ALPK2: variants seen among roughly 807,000 people sequenced by gnomAD.
ALPK2 encodes the protein alpha kinase 2.
In ALPK2, 127 loss-of-function variants were observed where a neutral mutation model predicts 163.1. The ratio of observed to expected loss-of-function variants is 0.78; its 90% CI spans 0.67 to 0.90. The LOEUF (loss-of-function observed/expected upper bound fraction) is 0.90. Among genes scored for constraint, ALPK2 ranks in the 40% least tolerant of loss-of-function variants. The pLI is 0.00. For synonymous variants in ALPK2, 953 were observed against 959.1 expected, an observed-to-expected ratio of 0.99 and a Z score of 0.12; for missense variants, 2,360 against 2,589.6, an observed-to-expected ratio of 0.91 and a Z score of 1.92.
intron 3 of ALPK2, among the ~76,000 whole-genome samples, chr18:58,582,203 G>T (rs1003217402): frequency 1.3e-5 from 2 of 152,088 alleles, no homozygotes; most frequent in Admixed American, 1.3e-4. Flanking sequence ...CAATACCTGC[G>T]CTCCTGTCTA....
intron 4 of ALPK2, among the ~76,000 whole-genome samples, chr18:58,542,600 C>A (rs1872197777): frequency 6.6e-6 from 1 of 152,188 alleles, no homozygotes; most frequent in Non-Finnish European, 1.5e-5. Context: ...TATAAGGAAA[C>A]TGTCTATAGT....
At chr18:58,541,098 T>C (rs1007886337) in intron 4 of ALPK2, among the ~76,000 whole-genome samples, 6 of 152,252 alleles carry the variant, frequency 3.9e-5, no homozygotes, top group Non-Finnish European at 8.8e-5. Context: ...AGTCAGTTCT[T>C]GCACTGCTAT....
Position 58,529,137 on chromosome 18 carries a change from T to G in ALPK2, c.5455A>C (p.Ile1819Leu). Residue 1819 changes from isoleucine (I) to leucine (L), a missense_variant, in exon 6 of 13, where the codon ATC (isoleucine) becomes CTC (leucine). Ile to Leu is a conservative substitution (Grantham distance 5). Transcript: ENST00000361673. ...GACTTTGAATCTTTTGTCCAGCAGATAGTAGAATCTTCATGAATTTCTGCA... is the reference window on the plus strand; with the variant it reads ...GACTTTGAATCTTTTGTCCAGCAGAGAGTAGAATCTTCATGAATTTCTGCA... The part of the protein sequence containing the change: ...QFAEIHEDST[I>L]CWTKDSKSIA... 6.2e-7 allele frequency: 1 copy of G among 1,613,302 alleles called. No homozygotes were observed. The highest frequency in any genetic ancestry group is 8.5e-7 in the Non-Finnish European group (1 of 1,179,244).
intron 5 of ALPK2, 55 bp from the exon 6 acceptor site, chr18:58,529,293 C>G: frequency 6.7e-7 from 1 of 1,492,116 alleles, no homozygotes; most frequent in Non-Finnish European, 9.1e-7. Flanking sequence ...CATTTCATAC[C>G]ATTTAATTCT....
At position 58,579,105 on chromosome 18, in the gene ALPK2, T is replaced by C; in HGVS notation, c.1671A>G (p.Thr557=). ...KKPNANLRES[T]TEGTLHLCSA... Reference sequence around the variant, plus strand: ...AGCAGAGATGAAGGGTACCTTCTGTTGTACTTTCTCTCAGGTTGGCATTCG... The same window carrying C: ...AGCAGAGATGAAGGGTACCTTCTGTCGTACTTTCTCTCAGGTTGGCATTCG... Residue 557 remains threonine, a synonymous_variant, in exon 4 of 13, where the codon ACA becomes ACG. Transcript: ENST00000361673. 2 of 1,614,218 alleles carry C rather than the reference T, an allele frequency of 1.2e-6. No homozygotes were observed. The highest frequency in any genetic ancestry group is 1.7e-6 in the Non-Finnish European group (2 of 1,180,046).
chr18:58,578,736 A>ACACACGCGCGCACGCGCGCG lies in ALPK2; in HGVS notation c.1962+77_1962+78insCGCGCGCGTGCGCGCGTGTG, dbSNP rs1555673981. ...GTGAATGTGAAGTAAAGGAAGAGACACACACACACACACACACACACACAC... is the reference window on the plus strand; with the variant it reads ...GTGAATGTGAAGTAAAGGAAGAGACACACACGCGCGCACGCGCGCGCACACACACACACACACACACACAC... On this transcript the variant is annotated intron_variant, in intron 4 of 12. Coordinates refer to ENST00000361673, the MANE Select transcript of ALPK2 (RefSeq NM_052947.4). 74 of 760,874 alleles carry ACACACGCGCGCACGCGCGCG rather than the reference A, an allele frequency of 9.7e-5. No homozygotes were observed. The Admixed American group carries it at 1.4e-3, about 15-fold the overall frequency. The allele number at this position is 760,874 out of a possible 1,614,324, so 47.1% of individuals were successfully genotyped here. A position where few individuals can be genotyped will look rare whatever the true frequency, so the allele number is the denominator to read the frequency against.
intron 2 of ALPK2, among the ~76,000 whole-genome samples, chr18:58,611,074 CA>C (rs2052127473): frequency 7.3e-6 from 1 of 137,476 alleles, no homozygotes; most frequent in African/African-American, 2.8e-5. Flanking sequence ...AGCCTGGCAA[CA>C]GAGCAAGACT....
intron 10 of ALPK2, among the ~76,000 whole-genome samples, chr18:58,512,983 TGTGTGTG>T (rs1297083750): frequency 7.2e-6 from 1 of 139,758 alleles, no homozygotes; most frequent in Non-Finnish European, 1.5e-5. Context: ...ATGTGTGGTG[TGTGTGTG>T]GTGTGTGTTG....
At chr18:58,502,134 C>CCG (rs1491269806) in intron 11 of ALPK2, among the ~76,000 whole-genome samples, 6 of 118,778 alleles carry the variant, frequency 5.1e-5, no homozygotes, top group Non-Finnish European at 8.3e-5. Context: ...AACCCCATCT[C>CCG]CACACACACA....
chr18:58,569,325 C>T (rs922608952), intron 4 of ALPK2, among the ~76,000 whole-genome samples: 1 of 152,228 alleles, frequency 6.6e-6, no homozygotes, highest in Non-Finnish European at 1.5e-5. Context: ...CAAATCACAT[C>T]AGAATGTCTG....
In ALPK2 at chr18:58,579,459, T is replaced by C. The variant is rs1602227140; in HGVS notation, c.1317A>G (p.Gly439=). The C allele has an allele frequency of 1.9e-6, 3 of 1,614,104 alleles. No homozygotes were observed. The East Asian group carries it at 6.7e-5, about 36-fold the overall frequency. Residue 439 remains glycine (G), a synonymous_variant, in exon 4 of 13, where the codon GGA becomes GGG. Transcript: ENST00000361673. ...TCCCCTGTTCTGTCACTGAAGACGTTCCATCCTGGTGAGGTCCCAAAATGA... is the reference window on the plus strand; with the variant it reads ...TCCCCTGTTCTGTCACTGAAGACGTCCCATCCTGGTGAGGTCCCAAAATGA... ...MTLILGPHQD[G]TSSVTEQGRY...
intron 1 of ALPK2, among the ~76,000 whole-genome samples, chr18:58,623,854 A>AC (rs1555678771): frequency 6.6e-6 from 1 of 151,744 alleles, no homozygotes; most frequent in East Asian, 1.9e-4. Context: ...GCCCATCCTA[A>AC]TTTTTTTTTA....
intron 5 of ALPK2, 124 bp downstream of exon 5, chr18:58,534,710 A>G (rs2144144310): frequency 7.6e-7 from 1 of 1,311,080 alleles, no homozygotes; most frequent in Non-Finnish European, 1.0e-6. Flanking sequence ...GGCCACAACC[A>G]TAGCATCAAT....
At chr18:58,600,256 T>G (rs1489241797) in intron 3 of ALPK2, among the ~76,000 whole-genome samples, 1 of 152,054 alleles carries the variant, frequency 6.6e-6, no homozygotes, top group Non-Finnish European at 1.5e-5. Context: ...AGGCTGGTCT[T>G]GAACTCCTGA....
At chr18:58,547,386 G>A (rs2051722994) in intron 4 of ALPK2, among the ~76,000 whole-genome samples, 2 of 152,238 alleles carry the variant, frequency 1.3e-5, no homozygotes, top group South Asian at 4.1e-4. Flanking sequence ...ACAGTGGGCT[G>A]GAGAACGGCT....
At chr18:58,571,782 C>A (rs1041079046) in intron 4 of ALPK2, among the ~76,000 whole-genome samples, 1 of 152,000 alleles carries the variant, frequency 6.6e-6, no homozygotes, top group African/African-American at 2.4e-5. Context: ...TCGAGACCAG[C>A]CTGGCCAAAA....
At chr18:58,547,509 G>A (rs1044098134) in intron 4 of ALPK2, among the ~76,000 whole-genome samples, 5 of 152,116 alleles carry the variant, frequency 3.3e-5, no homozygotes, top group African/African-American at 1.2e-4. Flanking sequence ...GCACTGTGTT[G>A]GCGTATAGAC....
At chr18:58,504,950 G>C (rs911143836) in intron 10 of ALPK2, among the ~76,000 whole-genome samples, 1 of 152,150 alleles carries the variant, frequency 6.6e-6, no homozygotes, top group Non-Finnish European at 1.5e-5. Context: ...GGCGTGCAGC[G>C]GGAGTGCAGG....
At chr18:58,626,220 T>C (rs2052229878) in intron 1 of ALPK2, among the ~76,000 whole-genome samples, 1 of 152,096 alleles carries the variant, frequency 6.6e-6, no homozygotes, top group Non-Finnish European at 1.5e-5. Flanking sequence ...CTGATAAAGT[T>C]CTTGGGAGCT....
Sources: allele counts gnomAD v4.1 joint callset (sites outside exome capture counted in the v4.1 genomes callset), GRCh38; gene constraint gnomAD v4.1.1; transcripts MANE v1.5; gene names NCBI Gene and HGNC (gene_info 2026-07-23, HGNC 2026-07-21).